CCDC7: variants seen among roughly 807,000 people sequenced by gnomAD.
CCDC7 encodes the protein coiled-coil domain-containing protein 7.
Under a neutral mutation model 196.9 loss-of-function variants are expected in CCDC7, and 183 were observed. The ratio of observed to expected loss-of-function variants is 0.93; its 90% confidence interval spans 0.82 to 1.05. CCDC7 has a LOEUF of 1.05. Ranked by LOEUF, CCDC7 falls within the 50% of genes least tolerant of loss-of-function variation. The pLI, the probability that CCDC7 is intolerant of heterozygous loss-of-function variation, is 0.00. For missense variants in CCDC7, 1,540 were observed against 1,482.2 expected (o/e 1.04, Z -0.64); for synonymous variants, 525 against 484.6 (o/e 1.08, Z -1.10).
chr10:32,614,395 C>T (rs947044392), intron 18 of CCDC7, among the ~76,000 whole-genome samples: 4 of 152,006 alleles, frequency 2.6e-5, no homozygotes, highest in Non-Finnish European at 5.9e-5. Context: ...GACTCCTTAT[C>T]TAACTTGCCA....
chr10:32,613,126 TG>T, intron 18 of CCDC7, among the ~76,000 whole-genome samples: 1 of 147,432 alleles, frequency 6.8e-6, no homozygotes, highest in Admixed American at 6.9e-5. Context: ...TCAGGGATTC[TG>T]TTTTTTCCTG....
At chr10:32,563,541 C>A (rs1235831985) in intron 13 of CCDC7, among the ~76,000 whole-genome samples, 3 of 152,100 alleles carry the variant, frequency 2.0e-5, no homozygotes, top group African/African-American at 4.8e-5. Context: ...GAAAAATAAG[C>A]AATGGGGAAA....
chr10:32,519,903 T>C (rs1468114479), intron 11 of CCDC7, among the ~76,000 whole-genome samples: 1 of 152,118 alleles, frequency 6.6e-6, no homozygotes, highest in Non-Finnish European at 1.5e-5. Context: ...ACCATCCTTC[T>C]ATTCTCTATC....
chr10:32,447,867 C>T (rs1262841060), upstream of CCDC7, among the ~76,000 whole-genome samples: 2 of 152,168 alleles, frequency 1.3e-5, no homozygotes, highest in African/African-American at 4.8e-5. Flanking sequence ...TGCCATTGTA[C>T]TCCAGCCTGG....
chr10:32,837,859 G>A (rs1254961771), intron 33 of CCDC7, among the ~76,000 whole-genome samples: 1 of 150,202 alleles, frequency 6.7e-6, no homozygotes, highest in Admixed American at 6.7e-5. Flanking sequence ...CTCACTCATA[G>A]GTGGGAATTG....
At chr10:32,847,464 A>T (rs73264312) in intron 37 of CCDC7, among the ~76,000 whole-genome samples, 6,936 of 152,258 alleles carry the variant, frequency 0.046, 538 homozygotes, top group African/African-American at 0.16. Context: ...AAAGGAAATT[A>T]TTCTTAAGGA....
At chr10:32,636,982 A>G (rs1323030607) in intron 20 of CCDC7, among the ~76,000 whole-genome samples, 3 of 152,190 alleles carry the variant, frequency 2.0e-5, no homozygotes, top group Admixed American at 6.5e-5. Context: ...ATGGCCAGTG[A>G]TGATGAGCAT....
intron 2 of CCDC7, among the ~76,000 whole-genome samples, chr10:32,455,617 C>A (rs1002159164): frequency 3.3e-5 from 5 of 152,088 alleles, no homozygotes; most frequent in African/African-American, 1.2e-4. Context: ...GCGCCTGGCT[C>A]AGTATCTTTA....
intron 41 of CCDC7, among the ~76,000 whole-genome samples, chr10:32,859,332 G>A (rs1245587399): frequency 6.6e-6 from 1 of 152,138 alleles, no homozygotes; most frequent in Non-Finnish European, 1.5e-5. Flanking sequence ...GGTAAATAAC[G>A]AAATGAAGGC....
chr10:32,560,584 G>A (rs1287762155), intron 13 of CCDC7, among the ~76,000 whole-genome samples: 2 of 152,254 alleles, frequency 1.3e-5, no homozygotes, highest in Non-Finnish European at 2.9e-5. Context: ...CTTCATAAGT[G>A]AAGGAGAAAT....
intron 24 of CCDC7, among the ~76,000 whole-genome samples, chr10:32,705,679 T>G (rs1000395270): frequency 1.3e-5 from 2 of 152,004 alleles, no homozygotes; most frequent in African/African-American, 4.8e-5. Context: ...CTAGTCTCTG[T>G]TAAAACAGAC....
chr10:32,845,794 C>CACAA, intron 35 of CCDC7, 82 bp from the exon 37 acceptor site: 2 of 1,144,766 alleles, frequency 1.7e-6, no homozygotes, highest in Non-Finnish European at 2.6e-6. Context: ...CACACACACA[C>CACAA]ATACACACAC....
At chr10:32,463,415 G>A (rs1369556740) in intron 5 of CCDC7, among the ~76,000 whole-genome samples, 1 of 152,126 alleles carries the variant, frequency 6.6e-6, no homozygotes, top group African/African-American at 2.4e-5. Flanking sequence ...GATTATGTAT[G>A]TGTAGACATA....
At chr10:32,576,800 C>T (rs2058249168) in intron 16 of CCDC7, among the ~76,000 whole-genome samples, 2 of 152,034 alleles carry the variant, frequency 1.3e-5, no homozygotes, top group Non-Finnish European at 2.9e-5. Context: ...CTTTTCGCAC[C>T]TCAGCTTCCT....
chr10:32,599,611 G>T (rs571730870), intron 18 of CCDC7, among the ~76,000 whole-genome samples: 12 of 151,272 alleles, frequency 7.9e-5, no homozygotes, highest in African/African-American at 2.9e-4. Context: ...GTTAATATGG[G>T]GATTATATTT....
At chr10:32,565,717 G>A in intron 14 of CCDC7, 97 bp downstream of exon 15, 1 of 1,315,860 alleles carries the variant, frequency 7.6e-7, no homozygotes. Flanking sequence ...TAAGCTAAGA[G>A]GTCTACATAT....
chr10:32,514,320 G>A (rs2046697611), intron 9 of CCDC7: 1 of 152,164 alleles, frequency 6.6e-6, no homozygotes, highest in African/African-American at 2.4e-5. Flanking sequence ...GGAGTAGGAT[G>A]GGCCCTTAAT....
chr10:32,543,813 CATT>C (rs1238363511), intron 12 of CCDC7, among the ~76,000 whole-genome samples: 20 of 151,730 alleles, frequency 1.3e-4, no homozygotes, highest in Non-Finnish European at 2.9e-5. Context: ...TATAAAGTGA[CATT>C]ATTAAGTAAA....
At chr10:32,747,532 T>C (rs1214282426) in intron 28 of CCDC7, among the ~76,000 whole-genome samples, 2 of 151,880 alleles carry the variant, frequency 1.3e-5, no homozygotes, top group African/African-American at 4.8e-5. Context: ...AACAACCCCA[T>C]TAAAAAATGA....
Sources: allele counts gnomAD v4.1 joint callset (sites outside exome capture counted in the v4.1 genomes callset), GRCh38; gene constraint gnomAD v4.1.1; transcripts MANE v1.5; gene names NCBI Gene and HGNC (gene_info 2026-07-23, HGNC 2026-07-21).